SMIM35: variants seen among roughly 807,000 people sequenced by gnomAD.
The protein encoded by SMIM35 is TMPRSS4 antisense RNA 1 (non-protein coding).
intron 1 of SMIM35, among the ~76,000 whole-genome samples, chr11:118,073,532 G>A (rs1383507669): frequency 6.6e-6 from 1 of 152,174 alleles, no homozygotes; most frequent in African/African-American, 2.4e-5. Context: ...TCAAGTCCCC[G>A]GCTGTTGTGA....
At chr11:118,018,470 A>C (rs1022014684) in intron 1 of SMIM35, among the ~76,000 whole-genome samples, 2 of 152,316 alleles carry the variant, frequency 1.3e-5, no homozygotes, top group African/African-American at 4.8e-5. Flanking sequence ...AAAGAAGATC[A>C]TCTCTGTGGA....
chr11:118,061,047 G>A (rs1334833670), intron 1 of SMIM35, among the ~76,000 whole-genome samples: 1 of 152,216 alleles, frequency 6.6e-6, no homozygotes, highest in Non-Finnish European at 1.5e-5. Context: ...CAGAGGCACC[G>A]CTTCTGCTGA....
intron 1 of SMIM35, among the ~76,000 whole-genome samples, chr11:118,078,030 A>G (rs1381550818): frequency 1.0e-5 from 1 of 98,416 alleles, no homozygotes; most frequent in Non-Finnish European, 2.1e-5. Flanking sequence ...AAAAAAAAAA[A>G]AAAAAAAAAA....
chr11:118,054,614 C>A (rs1944281222), intron 1 of SMIM35, among the ~76,000 whole-genome samples: 1 of 152,110 alleles, frequency 6.6e-6, no homozygotes, highest in African/African-American at 2.4e-5. Flanking sequence ...TATACCCATG[C>A]AACCGTCATT....
chr11:118,009,237 C>T (rs1265406116), intron 4 of SMIM35, among the ~76,000 whole-genome samples: 2 of 152,120 alleles, frequency 1.3e-5, no homozygotes, highest in East Asian at 1.9e-4. Flanking sequence ...AGATTAGAGA[C>T]CATCTGGAGG....
At chr11:118,022,133 T>A (rs1312439427) in intron 1 of SMIM35, among the ~76,000 whole-genome samples, 1 of 146,270 alleles carries the variant, frequency 6.8e-6, no homozygotes, top group African/African-American at 2.5e-5. Flanking sequence ...TCCACCTCCC[T>A]GGTTCAAGTG....
intron 4 of SMIM35, among the ~76,000 whole-genome samples, chr11:118,007,199 A>T (rs1479096982): frequency 6.6e-6 from 1 of 150,928 alleles, no homozygotes; most frequent in Non-Finnish European, 1.5e-5. Context: ...AGTAGCTGCC[A>T]GTTTGGACTG....
At chr11:118,034,078 A>G (rs12226036) in intron 1 of SMIM35, among the ~76,000 whole-genome samples, 6,099 of 149,790 alleles carry the variant, frequency 0.041, 207 homozygotes, top group East Asian at 0.2. Context: ...GACCAGCCTG[A>G]CCAACATGGT....
At chr11:118,070,077 G>A (rs1944547011) in intron 1 of SMIM35, among the ~76,000 whole-genome samples, 1 of 152,296 alleles carries the variant, frequency 6.6e-6, no homozygotes, top group East Asian at 1.9e-4. Flanking sequence ...AGCTATGCAC[G>A]GAGGTCATTC....
At chr11:118,011,126 C>A (rs746783690) in intron 4 of SMIM35, among the ~76,000 whole-genome samples, 40 of 152,124 alleles carry the variant, frequency 2.6e-4, no homozygotes, top group Non-Finnish European at 4.1e-4. Context: ...ACAGAGGGTG[C>A]GTCAGAGGGC....
intron 1 of SMIM35, among the ~76,000 whole-genome samples, chr11:118,048,962 A>AAAAAAAAAAAAAAAAAC: frequency 6.6e-6 from 1 of 150,582 alleles, no homozygotes; most frequent in Admixed American, 6.6e-5. Flanking sequence ...AAAAAAAAAA[A>AAAAAAAAAAAAAAAAAC]AAGCAAGTGA....
intron 1 of SMIM35, among the ~76,000 whole-genome samples, chr11:118,023,538 T>C (rs2058248943): frequency 1.7e-5 from 2 of 116,682 alleles, no homozygotes; most frequent in African/African-American, 6.7e-5. Flanking sequence ...CAGAGTGTGA[T>C]GTTCCCCTTC....
At chr11:118,029,280 A>G (rs766819274) in intron 1 of SMIM35, among the ~76,000 whole-genome samples, 7 of 152,146 alleles carry the variant, frequency 4.6e-5, no homozygotes, top group Non-Finnish European at 1.0e-4. Context: ...TGGCCAACGA[A>G]ACGCCGTCTC....
At chr11:118,076,745 G>A (rs1944702513) in intron 1 of SMIM35, among the ~76,000 whole-genome samples, 1 of 151,930 alleles carries the variant, frequency 6.6e-6, no homozygotes, top group African/African-American at 2.4e-5. Flanking sequence ...AAACCCTGTC[G>A]CCCAACCCCC....
chr11:118,078,913 G>T (rs1442481788), intron 1 of SMIM35, among the ~76,000 whole-genome samples: 1 of 152,188 alleles, frequency 6.6e-6, no homozygotes, highest in Admixed American at 6.5e-5. Flanking sequence ...ATACATGTGA[G>T]TAGGTTCTGG....
chr11:118,045,171 C>T (rs1171410381), intron 1 of SMIM35, among the ~76,000 whole-genome samples: 3 of 152,104 alleles, frequency 2.0e-5, no homozygotes, highest in Non-Finnish European at 4.4e-5. Context: ...CCCTCACCCT[C>T]AATACATCAG....
At chr11:118,064,860 G>A (rs1011559522) in intron 1 of SMIM35, among the ~76,000 whole-genome samples, 7 of 152,136 alleles carry the variant, frequency 4.6e-5, no homozygotes, top group African/African-American at 1.7e-4. Context: ...ACCCAAGCTG[G>A]TCTCATATTT....
chr11:118,050,181 G>A (rs1565391972), intron 1 of SMIM35, among the ~76,000 whole-genome samples: 2 of 152,246 alleles, frequency 1.3e-5, no homozygotes, highest in Non-Finnish European at 2.9e-5. Context: ...GAAGAGGCTG[G>A]TGAGTGATGT....
At chr11:118,032,307 T>C (rs1190219837) in intron 1 of SMIM35, among the ~76,000 whole-genome samples, 1 of 152,200 alleles carries the variant, frequency 6.6e-6, no homozygotes, top group Non-Finnish European at 1.5e-5. Flanking sequence ...CTGATTTTGA[T>C]CACTGTGTCA....
Sources: gnomAD v4.1 joint callset for allele counts (sites outside exome capture counted in the v4.1 genomes callset) on GRCh38, gnomAD v4.1.1 for gene constraint, MANE v1.5 for transcripts, NCBI Gene and HGNC (gene_info 2026-07-23, HGNC 2026-07-21) for gene names.